Variants in ATG16L1 observed in about 807,000 individuals in gnomAD.
ATG16L1 encodes autophagy related 16 like 1, also known as autophagy-related protein 16-1.
In ATG16L1, 37 loss-of-function variants were observed where a neutral mutation model predicts 88.5. The observed-to-expected ratio is 0.42, with a 90% CI of 0.32 to 0.55. The LOEUF is 0.55. Among genes scored for constraint, ATG16L1 ranks in the 20% least tolerant of loss-of-function variants. The pLI, the probability that ATG16L1 is intolerant of heterozygous loss-of-function variation, is 0.13. For missense variants in ATG16L1, 554 were observed against 752.8 expected (o/e 0.74, Z 3.09); for synonymous variants, 301 against 281.0 (o/e 1.07, Z -0.71).
chr2:233,275,473 T>A (rs1271490099), intron 9 of ATG16L1: 4 of 347,148 alleles, frequency 1.2e-5, no homozygotes, highest in Non-Finnish European at 2.3e-5. Flanking sequence ...AGCGGGTAAG[T>A]GAAAGGAGCC....
chr2:233,293,066 G>A (rs1699570655), intron 16 of ATG16L1, among the ~76,000 whole-genome samples, 190 bp from the exon 17 acceptor site: 1 of 152,200 alleles, frequency 6.6e-6, no homozygotes, highest in South Asian at 2.1e-4. Context: ...TCATTAGCCG[G>A]ACGGGGCTGA....
intron 1 of ATG16L1, among the ~76,000 whole-genome samples, chr2:233,254,003 T>G (rs1257270636): frequency 6.6e-6 from 1 of 152,234 alleles, no homozygotes; most frequent in African/African-American, 2.4e-5. Context: ...GAGTCTGTTT[T>G]GCCTCATCTA....
intron 5 of ATG16L1, among the ~76,000 whole-genome samples, chr2:233,268,699 A>G (rs1697772739): frequency 6.6e-6 from 1 of 152,206 alleles, no homozygotes; most frequent in Non-Finnish European, 1.5e-5. Flanking sequence ...AGTTGTCTCT[A>G]CCAGCTAAGA....
chr2:233,283,643 T>C (rs575767926), intron 12 of ATG16L1, among the ~76,000 whole-genome samples: 6 of 151,988 alleles, frequency 3.9e-5, no homozygotes, highest in African/African-American at 1.4e-4. Flanking sequence ...CTCCGCCTTC[T>C]GGGTTCAAGC....
At chr2:233,272,833 A>G (rs1698082924) in intron 6 of ATG16L1, 133 bp from the exon 7 acceptor site, 3 of 724,302 alleles carry the variant, frequency 4.1e-6, no homozygotes, top group Admixed American at 5.0e-5. Context: ...TTTTTCTCCA[A>G]AGAATCTTTA....
At chr2:233,283,570 T>C (rs1356442989) in intron 12 of ATG16L1, among the ~76,000 whole-genome samples, 1 of 152,026 alleles carries the variant, frequency 6.6e-6, no homozygotes, top group Non-Finnish European at 1.5e-5. Flanking sequence ...TTTTTTTTTT[T>C]CTTTTGAGAT....
chr2:233,274,514 A>AT (rs1040447177), intron 8 of ATG16L1, 162 bp from the exon 9 acceptor site: 240 of 543,316 alleles, frequency 4.4e-4, no homozygotes, highest in Middle Eastern at 2.3e-3. Flanking sequence ...GGTGCTTTTG[A>AT]TTTTTTTGTG....
intron 10 of ATG16L1, among the ~76,000 whole-genome samples, chr2:233,279,133 G>A (rs1047148548): frequency 3.3e-5 from 5 of 152,162 alleles, no homozygotes; most frequent in Non-Finnish European, 7.3e-5. Flanking sequence ...AGCTCTGATC[G>A]CATCACTGCA....
intron 14 of ATG16L1, 131 bp from the exon 15 acceptor site, chr2:233,291,997 T>A: frequency 9.6e-7 from 1 of 1,045,538 alleles, no homozygotes. Flanking sequence ...ATTAGAAGAC[T>A]GGGAACACAT....
At chr2:233,261,747 T>C (rs1179838317) in intron 2 of ATG16L1, among the ~76,000 whole-genome samples, 1 of 152,344 alleles carries the variant, frequency 6.6e-6, no homozygotes, top group African/African-American at 2.4e-5. Context: ...AGCTGCTCAC[T>C]ATAGTCTGAT....
At chr2:233,266,601 T>C (rs941957821) in intron 5 of ATG16L1, among the ~76,000 whole-genome samples, 4 of 152,194 alleles carry the variant, frequency 2.6e-5, no homozygotes, top group Non-Finnish European at 5.9e-5. Context: ...AGGGAATAAA[T>C]GACGATAGGA....
intron 12 of ATG16L1, 54 bp from the exon 13 acceptor site, chr2:233,289,800 C>G (rs541825158): frequency 6.3e-7 from 1 of 1,597,944 alleles, no homozygotes; most frequent in African/African-American, 1.3e-5. Flanking sequence ...ACTTTGCCAG[C>G]ATAGGCAGGG....
intron 4 of ATG16L1, among the ~76,000 whole-genome samples, chr2:233,264,523 T>C (rs549267756): frequency 6.6e-6 from 1 of 152,264 alleles, no homozygotes; most frequent in South Asian, 2.1e-4. Context: ...TAGCGTGTGC[T>C]TGGGTTTCCT....
chr2:233,252,365 C>G (rs1398872744), intron 1 of ATG16L1, among the ~76,000 whole-genome samples: 1 of 152,076 alleles, frequency 6.6e-6, no homozygotes, highest in Non-Finnish European at 1.5e-5. Flanking sequence ...CCTTACTCCA[C>G]CTTGGTGGTT....
rs79710076 is a variant in ATG16L1 at position 233,294,008 on chromosome 2, G to T, written c.1731-249G>T. 3.8e-3 allele frequency among the ~76,000 whole-genome samples: 572 copies of T among 152,300 alleles called. 5 individuals are homozygous for T. Among genetic ancestry groups the T allele is most frequent in the African/African-American group, 0.013 (547 of 41,556 alleles). On this transcript the variant is annotated intron_variant, in intron 17 of 17. Coordinates refer to ENST00000392017, the MANE Select transcript of ATG16L1 (RefSeq NM_030803.7). ...TCCTCTCTTAGGGAGAGTGTGATAA[G>T]GCCTGACTGCCAGAGGGGCCAAACT...
intron 2 of ATG16L1, among the ~76,000 whole-genome samples, chr2:233,260,994 C>T (rs181122706): frequency 6.8e-4 from 104 of 152,202 alleles, no homozygotes; most frequent in Non-Finnish European, 7.9e-4. Context: ...GTTGCTCTGT[C>T]GCCCAGGCTG....
intron 10 of ATG16L1, 49 bp downstream of exon 10, chr2:233,277,722 C>T (rs757240027): frequency 2.7e-6 from 4 of 1,507,232 alleles, no homozygotes; most frequent in African/African-American, 1.4e-5. Context: ...GATGATGCAC[C>T]CTTGCACTGC....
chr2:233,264,212 A>G, intron 4 of ATG16L1, 147 bp downstream of exon 4: 1 of 686,418 alleles, frequency 1.5e-6, no homozygotes, highest in East Asian at 2.9e-5. Context: ...ACACTCTGGG[A>G]TCCTTTTCTA....
intron 12 of ATG16L1, 121 bp downstream of exon 12, chr2:233,282,874 C>A: frequency 1.3e-6 from 1 of 792,916 alleles, no homozygotes; most frequent in Non-Finnish European, 2.1e-6. Flanking sequence ...TTGATTCACC[C>A]TGCCCTTCCT....
Sources: gnomAD v4.1 joint callset for allele counts (sites outside exome capture counted in the v4.1 genomes callset) on GRCh38, gnomAD v4.1.1 for gene constraint, MANE v1.5 for transcripts, NCBI Gene and HGNC (gene_info 2026-07-23, HGNC 2026-07-21) for gene names.